The following ZNF445 variants were observed in gnomAD, a reference collection of about 807,000 sequenced individuals.
ZNF445 encodes zinc finger protein 445, also known as zinc finger protein 168.
Under a neutral mutation model 93.9 loss-of-function variants are expected in ZNF445, and 19 were observed. The ratio of observed to expected loss-of-function variants is 0.20; its 90% CI spans 0.14 to 0.30. The LOEUF (loss-of-function observed/expected upper bound fraction) is 0.30. Ranked by LOEUF, ZNF445 falls within the 10% of genes least tolerant of loss-of-function variation. The pLI is 1.00. For synonymous variants in ZNF445, 449 were observed against 446.3 expected, an observed-to-expected ratio of 1.01 and a Z score of -0.08; for missense variants, 1,058 against 1,259.4, an observed-to-expected ratio of 0.84 and a Z score of 2.42.
chr3:44,462,875 T>A (rs1378478982), intron 1 of ZNF445, among the ~76,000 whole-genome samples: 2 of 152,056 alleles, frequency 1.3e-5, no homozygotes, highest in Non-Finnish European at 2.9e-5. Flanking sequence ...TTTTTAAGAG[T>A]GCTATGGTTA....
rs779232621 is a variant in ZNF445, at chr3:44,448,203, A to T, written c.1468T>A (p.Cys490Ser). Residue 490 changes from cysteine (C) to serine (S), a missense_variant, in exon 8 of 8, where the codon TGT becomes AGT. Physicochemically the swap from Cys to Ser is moderately radical, Grantham distance 112 (BLOSUM62 -1). Coordinates refer to ENST00000396077, the MANE Select transcript of ZNF445 (RefSeq NM_181489.6). ...GAGCTATGACTGAAAGTCCTTCCAC[A>T]GTCACTGCACTTAAATGACACTCCC... ...TVGVSFKCSD[C>S]GRTFSHSSHL... 3 of 1,614,094 alleles carry T rather than the reference A, an allele frequency of 1.9e-6. No individual in the cohort carries two copies. In the African/African-American group the frequency reaches 4.0e-5, roughly 22 times the overall value.
intron 1 of ZNF445, among the ~76,000 whole-genome samples, chr3:44,473,583 A>T (rs1698303231): frequency 6.6e-6 from 1 of 152,168 alleles, no homozygotes; most frequent in Non-Finnish European, 1.5e-5. Flanking sequence ...AGTGCCCAAA[A>T]TTTGATTTCT....
intron 3 of ZNF445, among the ~76,000 whole-genome samples, chr3:44,453,023 C>T (rs985692949): frequency 1.9e-4 from 29 of 151,194 alleles, no homozygotes; most frequent in Non-Finnish European, 8.8e-5. Context: ...AAGCAATTCT[C>T]CTGCCTCAGC....
At chr3:44,463,851 G>T (rs1213934527) in intron 1 of ZNF445, among the ~76,000 whole-genome samples, 1 of 151,736 alleles carries the variant, frequency 6.6e-6, no homozygotes, top group African/African-American at 2.4e-5. Flanking sequence ...CTGTCGACTG[G>T]TCATGGTAGC....
chr3:44,450,471 T>G lies in ZNF445; in HGVS notation c.796A>C (p.Asn266His), dbSNP rs770545927. 27 of 1,613,910 alleles carry G rather than the reference T, an allele frequency of 1.7e-5. No individual in the cohort carries two copies. The highest frequency in any genetic ancestry group is 2.3e-5 in the Non-Finnish European group (27 of 1,180,012). Residue 266 changes from asparagine (N) to histidine (H), a missense_variant, in exon 6 of 8, where the codon AAT (asparagine) becomes CAT (histidine). Asn to His is a moderately conservative substitution (Grantham distance 68). Around this residue, in one of 3 missense-constraint regions of ZNF445, gnomAD observed 657 missense variants for 746.4 expected, o/e 0.88. Transcript: ENST00000396077. Reference protein sequence around the residue: ...RNLYRDVMLENYRNMASLVGP... With the variant: ...RNLYRDVMLEHYRNMASLVGP... ...CCCAGGGAAGCCATGTTCCTATAAT[T>G]CTCCAGCATCACATCCCTGTACAGG...
chr3:44,454,040 C>G (rs899580033), intron 3 of ZNF445, among the ~76,000 whole-genome samples: 6 of 151,954 alleles, frequency 3.9e-5, no homozygotes, highest in African/African-American at 1.4e-4. Context: ...GGGCTGGGCA[C>G]AGTGGTTCAT....
Position 44,447,160 on chromosome 3 carries a change from C to G in ZNF445, c.2511G>C (p.Glu837Asp), listed in dbSNP as rs766737797. The G allele has an allele frequency of 3.1e-6, 5 of 1,614,226 alleles. No homozygotes were observed. Among genetic ancestry groups the G allele is most frequent in the Non-Finnish European group, 4.2e-6 (5 of 1,180,042 alleles). ...CACATTCTTGACACCAAAAACGTTT[C>G]TCACCAGTGAGGATTTTTGGCTCCA... ...PNVEPKILTG[E>D]KRFWCQECGK... is the part of the protein sequence containing the mutation. The change falls in exon 8 of 8, where the codon GAG (glutamate) becomes GAC (aspartate). Residue 837 changes from glutamate to aspartate, a missense_variant. Around this residue, in one of 3 missense-constraint regions of ZNF445, gnomAD observed 387 missense variants for 475.7 expected, o/e 0.81. Coordinates refer to ENST00000396077, the MANE Select transcript of ZNF445 (RefSeq NM_181489.6). The surrounding 1 kb of genome is among the most constrained non-coding windows in gnomAD (Gnocchi z 4.7).
chr3:44,469,949 C>G (rs1025539079), intron 1 of ZNF445, among the ~76,000 whole-genome samples: 2 of 152,068 alleles, frequency 1.3e-5, no homozygotes, highest in African/African-American at 4.8e-5. Context: ...CGAGGCCACT[C>G]TTTTTTCTCA....
At position 44,448,108 on chromosome 3, in the gene ZNF445, G is replaced by A; in HGVS notation, c.1563C>T (p.Ala521=). The A allele has an allele frequency of 6.2e-7, 1 of 1,613,874 alleles. No individual in the cohort carries two copies. The highest frequency in any genetic ancestry group is 8.5e-7 in the Non-Finnish European group (1 of 1,180,032). ...GCGCACAGTTGGAACTCCACCGGAA[G>A]GCTTTCCCACACACCCTACATTTAA... ...KAFKCRVCGK[A]FRWSSNCARH... The change falls in exon 8 of 8, where the codon GCC becomes GCT. Residue 521 remains alanine (A), a synonymous_variant. Coordinates refer to ENST00000396077, the MANE Select transcript of ZNF445 (RefSeq NM_181489.6).
At chr3:44,459,847 T>A (rs1698085255) in intron 1 of ZNF445, among the ~76,000 whole-genome samples, 1 of 152,180 alleles carries the variant, frequency 6.6e-6, no homozygotes. Flanking sequence ...AAATGAATTC[T>A]AGTTAAAGAT....
chr3:44,469,000 G>A (rs940759577), intron 1 of ZNF445, among the ~76,000 whole-genome samples: 6 of 145,842 alleles, frequency 4.1e-5, no homozygotes, highest in Non-Finnish European at 6.0e-5. Flanking sequence ...ACTCATGCCT[G>A]TAATTCCAGT....
At chr3:44,449,450 AC>A in intron 7 of ZNF445, 62 bp downstream of exon 7, 1 of 1,296,178 alleles carries the variant, frequency 7.7e-7, no homozygotes, top group East Asian at 2.3e-5. Flanking sequence ...GATGTAACTG[AC>A]CTTAAGAAAG....
intron 1 of ZNF445, among the ~76,000 whole-genome samples, chr3:44,467,016 A>G (rs754848033): frequency 1.3e-5 from 2 of 152,224 alleles, no homozygotes; most frequent in South Asian, 2.1e-4. Context: ...TTCAAAAGGC[A>G]GTTTATAATC....
rs765791771 is a variant in ZNF445 at position 44,447,532 on chromosome 3, A to G, written c.2139T>C (p.Asp713=). ...ACCTATAGGCAAAGTCCTTCCCACA[A>G]TCGCTACACTGGTAAGGTTTCTCAC... ...HTGEKPYQCS[D]CGKDFAYRSA... The change falls in exon 8 of 8, where the codon GAT becomes GAC. Residue 713 remains aspartate, a synonymous_variant. Transcript: ENST00000396077. This position sits in a 1 kb window ranked among gnomAD's most constrained non-coding sequence, Gnocchi z 4.7. The G allele has an allele frequency of 2.5e-6, 4 of 1,613,994 alleles. No homozygotes were observed. In the Admixed American group the frequency reaches 5.0e-5, roughly 20 times the overall value.
chr3:44,452,599 G>A (rs185466267), intron 3 of ZNF445, among the ~76,000 whole-genome samples: 1 of 152,148 alleles, frequency 6.6e-6, no homozygotes, highest in Non-Finnish European at 1.5e-5. Flanking sequence ...TGTTTTCATG[G>A]ATTTTTAAAA....
At chr3:44,472,359 A>T (rs1698281074) in intron 1 of ZNF445, among the ~76,000 whole-genome samples, 1 of 152,200 alleles carries the variant, frequency 6.6e-6, no homozygotes, top group African/African-American at 2.4e-5. Flanking sequence ...TCCCCCCTAC[A>T]ACAGCTAACT....
chr3:44,456,460 A>C (rs765811402), intron 2 of ZNF445, among the ~76,000 whole-genome samples: 1 of 152,154 alleles, frequency 6.6e-6, no homozygotes, highest in Non-Finnish European at 1.5e-5. Flanking sequence ...CCAAAAAACA[A>C]TTATGACAAG....
intron 6 of ZNF445, among the ~76,000 whole-genome samples, 189 bp from the exon 7 acceptor site, chr3:44,449,812 C>T (rs991169744): frequency 6.6e-6 from 1 of 152,160 alleles, no homozygotes; most frequent in African/African-American, 2.4e-5. Flanking sequence ...ATAGAAGTTG[C>T]CCACAAAAGG....
At chr3:44,453,255 A>G (rs781665481) in intron 3 of ZNF445, among the ~76,000 whole-genome samples, 12 of 151,576 alleles carry the variant, frequency 7.9e-5, no homozygotes, top group Non-Finnish European at 1.2e-4. Context: ...AATCATATAT[A>G]TATGTATATG....
Sources: gnomAD v4.1 joint callset for allele counts (sites outside exome capture counted in the v4.1 genomes callset) on GRCh38, gnomAD v4.1.1 for gene constraint, gnomAD v4.1.1 regional missense constraint, Gnocchi (gnomAD v3.1) non-coding constraint, MANE v1.5 for transcripts, NCBI Gene and HGNC (gene_info 2026-07-23, HGNC 2026-07-21) for gene names.